RBFOX1: variants seen among roughly 807,000 people sequenced by gnomAD.
RBFOX1 encodes RNA binding fox-1 homolog 1.
A neutral mutation model predicts 57.7 loss-of-function variants in RBFOX1; 8 were observed. That is an observed-to-expected ratio of 0.14 (90% CI 0.08 to 0.25). The LOEUF (loss-of-function observed/expected upper bound fraction) is 0.25. Ranked by LOEUF, RBFOX1 falls within the 10% of genes least tolerant of loss-of-function variation. RBFOX1 has a pLI of 1.00. For missense variants in RBFOX1, 611 were observed against 548.5 expected, an observed-to-expected ratio of 1.11 and a Z score of -1.14; for synonymous variants, 326 against 222.4, an observed-to-expected ratio of 1.47 and a Z score of -4.15.
At chr16:6,732,469 G>C (rs2068894077) in intron 3 of RBFOX1, among the ~76,000 whole-genome samples, 1 of 152,194 alleles carries the variant, frequency 6.6e-6, no homozygotes, top group Non-Finnish European at 1.5e-5. Flanking sequence ...GAGGTCACCT[G>C]ATTCATTGAG....
intron 4 of RBFOX1, among the ~76,000 whole-genome samples, chr16:7,220,256 G>A (rs563941934): frequency 5.4e-4 from 82 of 152,302 alleles, no homozygotes; most frequent in African/African-American, 1.9e-3. Context: ...TATAGTACTC[G>A]TCAGTGGGCG....
At chr16:7,650,909 G>A (rs1314635515) in intron 11 of RBFOX1, among the ~76,000 whole-genome samples, 2 of 152,206 alleles carry the variant, frequency 1.3e-5, no homozygotes, top group East Asian at 1.9e-4. Context: ...CATTACTTAT[G>A]GGCTTTTATG....
chr16:6,921,523 G>T (rs2074435718), intron 3 of RBFOX1, among the ~76,000 whole-genome samples: 1 of 152,088 alleles, frequency 6.6e-6, no homozygotes, highest in East Asian at 1.9e-4. Context: ...GTCACCCATA[G>T]TTCCTTCCTA....
At chr16:6,435,370 G>A (rs1379685850) in intron 2 of RBFOX1, among the ~76,000 whole-genome samples, 3 of 151,584 alleles carry the variant, frequency 2.0e-5, no homozygotes, top group African/African-American at 7.3e-5. Context: ...GTGTGATCTC[G>A]GCTCACTGCA....
At chr16:5,581,808 T>C (rs2046676868) in intron 2 of RBFOX1, among the ~76,000 whole-genome samples, 1 of 151,862 alleles carries the variant, frequency 6.6e-6, no homozygotes, top group Non-Finnish European at 1.5e-5. Context: ...AGGCAGACCA[T>C]ATGCAAGGTG....
At chr16:7,022,093 C>G (rs1462864597) in intron 3 of RBFOX1, among the ~76,000 whole-genome samples, 1 of 125,462 alleles carries the variant, frequency 8.0e-6, no homozygotes, top group African/African-American at 2.9e-5. Flanking sequence ...CACAGGGTCT[C>G]ACTGTGTCAC....
chr16:5,439,042 G>GT (rs1491417047), intron 1 of RBFOX1, among the ~76,000 whole-genome samples: 4 of 144,506 alleles, frequency 2.8e-5, no homozygotes, highest in Admixed American at 6.8e-5. Context: ...TGGGGGGGGG[G>GT]GCATAGTGAT....
At position 6,976,515 on chromosome 16, in the gene RBFOX1, TG is replaced by T. The variant is rs2086890689; in HGVS notation, c.-15-75538del. Reference sequence around the variant, plus strand: ...TTTAGATCTCACACCAGAAAGAATTTGGGGTGAGTCCACGGTGCAAACTAAA... The same window carrying T: ...TTTAGATCTCACACCAGAAAGAATTTGGGTGAGTCCACGGTGCAAACTAAA... On this transcript the variant is annotated intron_variant, in intron 3 of 15. Transcript: ENST00000550418. Among the ~76,000 whole-genome samples the T allele has an allele frequency of 2.0e-5, 3 of 152,068 alleles. No individual in the cohort carries two copies. In the South Asian group the frequency reaches 6.2e-4, roughly 32 times the overall value.
chr16:7,365,982 A>G (rs2097436841), intron 4 of RBFOX1, among the ~76,000 whole-genome samples: 1 of 152,094 alleles, frequency 6.6e-6, no homozygotes, highest in Non-Finnish European at 1.5e-5. Flanking sequence ...GGGTGAGAAG[A>G]CTCATCCTGT....
At chr16:6,667,866 G>A (rs2098742367) in intron 3 of RBFOX1, among the ~76,000 whole-genome samples, 1 of 151,930 alleles carries the variant, frequency 6.6e-6, no homozygotes, top group African/African-American at 2.4e-5. Context: ...TCCAGCCTGG[G>A]TGACAGAGCA....
chr16:7,305,615 A>G lies in RBFOX1; in HGVS notation c.28-212532A>G, dbSNP rs530711862. Among the ~76,000 whole-genome samples the G allele has an allele frequency of 2.6e-5, 4 of 152,320 alleles. No individual in the cohort carries two copies. The East Asian group carries it at 7.7e-4, about 29-fold the overall frequency. ...GAGTTGAGAGTGGCCCTCTTCCCCA[A>G]GACCCTCAATTTCAACCTGTGTTAA... is the stretch of plus-strand genomic sequence containing the variant. On this transcript the variant is annotated intron_variant, in intron 4 of 15. Coordinates refer to ENST00000550418, the MANE Select transcript of RBFOX1 (RefSeq NM_018723.4).
At chr16:5,785,689 G>A (rs892057076) in intron 3 of RBFOX1, among the ~76,000 whole-genome samples, 2 of 151,958 alleles carry the variant, frequency 1.3e-5, no homozygotes, top group Admixed American at 6.6e-5. Context: ...CACCATACCC[G>A]GCTAATTTTG....
chr16:6,123,708 C>A (rs1291694897), intron 1 of RBFOX1, among the ~76,000 whole-genome samples: 1 of 152,078 alleles, frequency 6.6e-6, no homozygotes, highest in Non-Finnish European at 1.5e-5. Context: ...AGTCCAAGAC[C>A]AGCCTGGGCA....
chr16:5,308,324 C>G (rs1255816937), intron 1 of RBFOX1, among the ~76,000 whole-genome samples: 4 of 98,936 alleles, frequency 4.0e-5, no homozygotes, highest in African/African-American at 1.6e-4. Flanking sequence ...GAGGCTCTGT[C>G]TAAAAAAAAA....
chr16:6,114,128 G>A (rs576494546), intron 1 of RBFOX1, among the ~76,000 whole-genome samples: 222 of 152,082 alleles, frequency 1.5e-3, no homozygotes, highest in East Asian at 2.9e-3. Context: ...TATTCACAAA[G>A]AAAAAAGTTT....
chr16:7,541,618 G>C (rs1254340908), intron 5 of RBFOX1, among the ~76,000 whole-genome samples: 1 of 152,082 alleles, frequency 6.6e-6, no homozygotes, highest in East Asian at 1.9e-4. Context: ...TTGGTGTTTT[G>C]TCTTTCATCT....
chr16:6,067,061 C>T (rs898713570), intron 1 of RBFOX1, among the ~76,000 whole-genome samples: 1 of 152,144 alleles, frequency 6.6e-6, no homozygotes, highest in Non-Finnish European at 1.5e-5. Context: ...ATCTGAGATT[C>T]ATGGGAAATG....
chr16:5,445,425 T>C (rs2068212393), intron 1 of RBFOX1, among the ~76,000 whole-genome samples: 1 of 152,190 alleles, frequency 6.6e-6, no homozygotes, highest in South Asian at 2.1e-4. Context: ...TGTCTCTTAT[T>C]TATGACTATC....
At chr16:7,049,224 G>A (rs912888089) in intron 3 of RBFOX1, among the ~76,000 whole-genome samples, 1 of 152,036 alleles carries the variant, frequency 6.6e-6, no homozygotes, top group Admixed American at 6.5e-5. Context: ...TAATTTTTCT[G>A]TTCACCTGCT....
Sources: gnomAD v4.1 joint callset for allele counts (sites outside exome capture counted in the v4.1 genomes callset) on GRCh38, gnomAD v4.1.1 for gene constraint, MANE v1.5 for transcripts, NCBI Gene and HGNC (gene_info 2026-07-23, HGNC 2026-07-21) for gene names.